Variants in MMP26 observed in about 807,000 individuals in gnomAD.
MMP26 encodes the protein matrix metallopeptidase 26.
MMP26 carries 33 observed loss-of-function variants against 31.0 expected under a neutral mutation model. The observed-to-expected ratio is 1.06, with a 90% CI of 0.81 to 1.42. The LOEUF is 1.42. MMP26 is among the 40% of genes most tolerant of loss of function. The pLI is 0.00. For missense variants in MMP26, 347 were observed against 316.1 expected (o/e 1.10, Z -0.74); for synonymous variants, 122 against 114.9 (o/e 1.06, Z -0.40).
chr11:4,953,032 T>C (rs909951175), intron 2 of MMP26, among the ~76,000 whole-genome samples: 2 of 124,722 alleles, frequency 1.6e-5, no homozygotes, highest in African/African-American at 5.5e-5. Flanking sequence ...CTAAAGTGGT[T>C]TTCACAATAT....
intron 2 of MMP26, among the ~76,000 whole-genome samples, chr11:4,851,063 A>G (rs987743950): frequency 1.3e-5 from 2 of 152,216 alleles, no homozygotes; most frequent in Admixed American, 6.5e-5. Context: ...CTCCCCTACA[A>G]AGCATGTATA....
At chr11:4,950,832 TATATC>T (rs1299096367) in intron 2 of MMP26, among the ~76,000 whole-genome samples, 8 of 123,410 alleles carry the variant, frequency 6.5e-5, no homozygotes, top group African/African-American at 2.2e-4. Flanking sequence ...AATGAGGTAT[TATATC>T]ATACCCATTA....
chr11:4,754,001 A>G (rs1416318583), intron 1 of MMP26, among the ~76,000 whole-genome samples: 1 of 151,978 alleles, frequency 6.6e-6, no homozygotes, highest in East Asian at 1.9e-4. Flanking sequence ...TCAGGTATGT[A>G]ATATTGTGTT....
At chr11:4,803,543 C>G in intron 2 of MMP26, 1 of 1,613,946 alleles carries the variant, frequency 6.2e-7, no homozygotes, top group Non-Finnish European at 8.5e-7. Flanking sequence ...TAGAGATTAG[C>G]AAACAGGATG....
In MMP26 at chr11:4,924,921, T is replaced by C. The variant is rs578190478; in HGVS notation, c.-144-63147T>C. 4.6e-5 allele frequency among the ~76,000 whole-genome samples: 7 copies of C among 152,222 alleles called. 1 individual carries two copies. In the South Asian group the frequency reaches 1.0e-3, roughly 23 times the overall value. ...TTCCTGTAATATCTGAACTGAGTTC[T>C]CCTTTGTTCTGCCTTCATAAATTTT... On this transcript the variant is annotated intron_variant, in intron 2 of 7. Transcript: ENST00000380390.
intron 2 of MMP26, chr11:4,822,481 C>A: frequency 1.9e-6 from 2 of 1,054,552 alleles, no homozygotes; most frequent in Non-Finnish European, 2.5e-6. Flanking sequence ...CCAAACTAAG[C>A]AATTTATAGG....
intron 2 of MMP26, chr11:4,947,305 C>T (rs1328967969): frequency 2.6e-6 from 1 of 387,624 alleles, no homozygotes; most frequent in Non-Finnish European, 4.7e-6. Context: ...TCGTATAATA[C>T]ATTGGAAAAA....
At chr11:4,780,492 T>G (rs2133431042) in intron 2 of MMP26, among the ~76,000 whole-genome samples, 1 of 152,284 alleles carries the variant, frequency 6.6e-6, no homozygotes, top group African/African-American at 2.4e-5. Context: ...TTGTTAAAAG[T>G]TTAATCTGTT....
At chr11:4,791,827 G>T (rs1849032378) in intron 2 of MMP26, among the ~76,000 whole-genome samples, 1 of 151,870 alleles carries the variant, frequency 6.6e-6, no homozygotes, top group Non-Finnish European at 1.5e-5. Context: ...TCAGATTCCT[G>T]CTTCCCAGTA....
intron 2 of MMP26, chr11:4,923,940 C>G: frequency 1.2e-6 from 2 of 1,614,122 alleles, no homozygotes; most frequent in Non-Finnish European, 1.7e-6. Flanking sequence ...ACGGTGGAGT[C>G]ATGCAGTGGG....
At chr11:4,759,452 A>G (rs1412259316) in intron 1 of MMP26, among the ~76,000 whole-genome samples, 2 of 152,160 alleles carry the variant, frequency 1.3e-5, no homozygotes, top group Non-Finnish European at 2.9e-5. Flanking sequence ...TCATGTGTCC[A>G]TATATATAAA....
intron 2 of MMP26, chr11:4,907,966 C>G: frequency 6.2e-7 from 1 of 1,614,094 alleles, no homozygotes. Context: ...TCATCTATGG[C>G]TTCTTCATTG....
intron 2 of MMP26, among the ~76,000 whole-genome samples, chr11:4,773,240 A>G (rs1349282531): frequency 1.3e-5 from 2 of 152,164 alleles, no homozygotes; most frequent in African/African-American, 4.8e-5. Flanking sequence ...ACTTCTAACC[A>G]ATAGAATATG....
At chr11:4,883,802 A>T (rs1038881422) in intron 2 of MMP26, among the ~76,000 whole-genome samples, 3 of 152,132 alleles carry the variant, frequency 2.0e-5, no homozygotes, top group Admixed American at 2.0e-4. Flanking sequence ...TGTTTTGTGA[A>T]GAAGTAAACT....
At chr11:4,877,573 A>G (rs539946043) in intron 2 of MMP26, 68 of 152,306 alleles carry the variant, frequency 4.5e-4, no homozygotes, top group Middle Eastern at 3.4e-3. Flanking sequence ...GCACTATCCA[A>G]TAGAAATTCC....
intron 1 of MMP26, among the ~76,000 whole-genome samples, chr11:4,735,926 C>T (rs1356662802): frequency 6.6e-6 from 1 of 152,060 alleles, no homozygotes; most frequent in Non-Finnish European, 1.5e-5. Context: ...TACTTCCAAA[C>T]CTTTAGTAAC....
At chr11:4,822,403 A>G (rs757173658) in intron 2 of MMP26, 1 of 1,436,230 alleles carries the variant, frequency 7.0e-7, no homozygotes, top group Non-Finnish European at 9.1e-7. Context: ...AGATAAAGCC[A>G]TTTATGAATA....
intron 2 of MMP26, among the ~76,000 whole-genome samples, chr11:4,858,243 A>T (rs1850086920): frequency 1.3e-5 from 2 of 152,152 alleles, no homozygotes; most frequent in Admixed American, 6.5e-5. Context: ...AAGCAGGAGA[A>T]AGAAATAAAA....
At chr11:4,835,244 G>A (rs1476157016) in intron 2 of MMP26, among the ~76,000 whole-genome samples, 3 of 89,634 alleles carry the variant, frequency 3.3e-5, no homozygotes, top group African/African-American at 1.4e-4. Flanking sequence ...ATACACACAC[G>A]AGTAACATTC....
Sources: allele counts gnomAD v4.1 joint callset (sites outside exome capture counted in the v4.1 genomes callset), GRCh38; gene constraint gnomAD v4.1.1; transcripts MANE v1.5; gene names NCBI Gene and HGNC (gene_info 2026-07-23, HGNC 2026-07-21).